OSBPL10: variants seen among roughly 807,000 people sequenced by gnomAD.
The protein encoded by OSBPL10 is oxysterol binding protein like 10.
OSBPL10 carries 49 observed loss-of-function variants against 81.7 expected under a neutral mutation model. The ratio of observed to expected loss-of-function variants is 0.60; its 90% CI spans 0.48 to 0.76. The LOEUF is 0.76. OSBPL10 is among the 30% of genes least tolerant of loss of function. The pLI is 0.00. For missense variants in OSBPL10, 923 were observed against 987.8 expected, an observed-to-expected ratio of 0.93 and a Z score of 0.88; for synonymous variants, 419 against 383.6, an observed-to-expected ratio of 1.09 and a Z score of -1.08.
intron 5 of OSBPL10, among the ~76,000 whole-genome samples, chr3:31,738,268 A>G (rs1697249664): frequency 6.6e-6 from 1 of 152,120 alleles, no homozygotes; most frequent in Admixed American, 6.5e-5. Flanking sequence ...AACACACACA[A>G]AAGTAGACAG....
intron 4 of OSBPL10, among the ~76,000 whole-genome samples, chr3:31,751,556 T>C (rs1223181185): frequency 3.9e-5 from 6 of 152,172 alleles, no homozygotes; most frequent in Admixed American, 3.9e-4. Flanking sequence ...TAAATGTCTC[T>C]TGAATCAGGG....
At chr3:32,024,291 A>G (rs1014747482) in intron 2 of OSBPL10, among the ~76,000 whole-genome samples, 6 of 152,184 alleles carry the variant, frequency 3.9e-5, no homozygotes, top group African/African-American at 1.4e-4. Flanking sequence ...ATGTAAATCA[A>G]TTTAGGGAAA....
intron 7 of OSBPL10, among the ~76,000 whole-genome samples, chr3:31,684,759 G>C (rs1700749041): frequency 6.6e-6 from 1 of 152,226 alleles, no homozygotes; most frequent in Admixed American, 6.5e-5. Context: ...CCGCAGACAA[G>C]AGGGGCCATG....
chr3:31,801,537 G>A (rs890416959), intron 4 of OSBPL10, among the ~76,000 whole-genome samples: 1 of 152,190 alleles, frequency 6.6e-6, no homozygotes, highest in African/African-American at 2.4e-5. Context: ...TCTGAGCAGA[G>A]GCCTCCCACA....
intron 4 of OSBPL10, among the ~76,000 whole-genome samples, chr3:31,777,560 A>G (rs1698577638): frequency 1.3e-5 from 2 of 152,234 alleles, no homozygotes; most frequent in Admixed American, 1.3e-4. Flanking sequence ...GGAGACTCAC[A>G]GTGTGGACTT....
intron 3 of OSBPL10, among the ~76,000 whole-genome samples, chr3:31,860,254 G>C (rs1304363463): frequency 1.3e-5 from 2 of 152,194 alleles, no homozygotes; most frequent in Non-Finnish European, 2.9e-5. Flanking sequence ...CCAGTCACCA[G>C]ACCTATGATG....
intron 2 of OSBPL10, chr3:31,988,896 G>C: frequency 1.4e-6 from 1 of 710,000 alleles, no homozygotes; most frequent in East Asian, 2.7e-5. Context: ...CACTGAGCCA[G>C]GAACACCCAG....
intron 2 of OSBPL10, among the ~76,000 whole-genome samples, chr3:31,878,886 T>G (rs904920122): frequency 6.6e-6 from 1 of 151,986 alleles, no homozygotes; most frequent in African/African-American, 2.4e-5. Flanking sequence ...TTGTTTCATT[T>G]CATTATTTTA....
At chr3:32,055,780 A>G (rs544772649) in intron 1 of OSBPL10, among the ~76,000 whole-genome samples, 111 of 152,274 alleles carry the variant, frequency 7.3e-4, no homozygotes, top group African/African-American at 2.6e-3. Flanking sequence ...TCTCATCTAC[A>G]CAGTTCCTGT....
intron 3 of OSBPL10, among the ~76,000 whole-genome samples, chr3:31,855,500 T>C (rs1275347370): frequency 1.3e-5 from 2 of 152,220 alleles, no homozygotes; most frequent in East Asian, 1.9e-4. Context: ...TCATAGAACC[T>C]GTCACCACCT....
Position 32,043,121 on chromosome 3 carries a change from G to A in OSBPL10, n.298+3370C>T, listed in dbSNP as rs533815206. On this transcript the variant is annotated intron_variant and non_coding_transcript_variant, in intron 2 of 3. Transcript: ENST00000479173. ...GCACATTTCAGCCCTTATCTCAACT[G>A]CATAAGACAGACACTCCCAGAGCAG... Among the ~76,000 whole-genome samples the A allele has an allele frequency of 5.3e-5, 8 of 152,186 alleles. 1 individual carries two copies. The highest frequency in any genetic ancestry group is 1.7e-4 in the African/African-American group (7 of 41,504).
intron 1 of OSBPL10, among the ~76,000 whole-genome samples, chr3:31,880,688 A>G (rs1010688004): frequency 3.3e-5 from 5 of 152,216 alleles, no homozygotes; most frequent in East Asian, 3.9e-4. Flanking sequence ...CTCTTCCTTC[A>G]TAGTCACCAA....
intron 7 of OSBPL10, among the ~76,000 whole-genome samples, chr3:31,700,040 G>A (rs529612171): frequency 6.6e-6 from 1 of 152,308 alleles, no homozygotes; most frequent in East Asian, 1.9e-4. Flanking sequence ...GGCAACAGAA[G>A]CCAAGAAATC....
intron 6 of OSBPL10, chr3:31,709,062 G>A: frequency 7.1e-6 from 7 of 984,430 alleles, no homozygotes; most frequent in Non-Finnish European, 8.4e-6. Flanking sequence ...GCCATTTGGA[G>A]GTAGATTCAA....
intron 11 of OSBPL10, chr3:31,662,610 A>G (rs1345420823): frequency 1.0e-6 from 1 of 995,482 alleles, no homozygotes; most frequent in Admixed American, 6.0e-5. Flanking sequence ...GGCAAGAATT[A>G]AAATGGTATT....
At chr3:31,668,946 G>T in intron 9 of OSBPL10, 122 bp from the exon 10 acceptor site, 7 of 831,618 alleles carry the variant, frequency 8.4e-6, no homozygotes. Flanking sequence ...GATTGTTTTT[G>T]CAGCTTTGCT....
At chr3:31,950,066 G>A (rs1323943978) in intron 1 of OSBPL10, among the ~76,000 whole-genome samples, 1 of 152,170 alleles carries the variant, frequency 6.6e-6, no homozygotes, top group South Asian at 2.1e-4. Context: ...GGGCCTGTCA[G>A]GAGGGATGAC....
At chr3:31,940,251 C>G (rs1421682949) in intron 1 of OSBPL10, among the ~76,000 whole-genome samples, 1 of 152,234 alleles carries the variant, frequency 6.6e-6, no homozygotes, top group African/African-American at 2.4e-5. Flanking sequence ...TGAAAAGGAG[C>G]TACGACTGAT....
chr3:31,868,661 T>C (rs1442871588), intron 3 of OSBPL10, among the ~76,000 whole-genome samples: 16 of 152,352 alleles, frequency 1.1e-4, no homozygotes, highest in Non-Finnish European at 2.4e-4. Flanking sequence ...CCAAAAACTA[T>C]TGAAAATATT....
Sources: allele counts gnomAD v4.1 joint callset (sites outside exome capture counted in the v4.1 genomes callset), GRCh38; gene constraint gnomAD v4.1.1; transcripts MANE v1.5; gene names NCBI Gene and HGNC (gene_info 2026-07-23, HGNC 2026-07-21).